XG: variants seen among roughly 807,000 people sequenced by gnomAD.
The protein encoded by XG is Xg glycoprotein (Xg blood group), also known as glycoprotein Xg.
Under a neutral mutation model 25.7 loss-of-function variants are expected in XG, and 24 were observed. That is an observed-to-expected ratio of 0.93 (90% CI 0.68 to 1.31). The LOEUF is 1.31. Among genes scored for constraint, XG ranks in the 40% most tolerant of loss-of-function variants. XG has a pLI of 0.00. For missense variants in XG, 181 were observed against 187.6 expected (o/e 0.96, Z 0.21); for synonymous variants, 77 against 69.2 (o/e 1.11, Z -0.56).
At chrX:2,768,645 G>A (rs759168713) in intron 1 of XG, among the ~76,000 whole-genome samples, 1 of 152,294 alleles carries the variant, frequency 6.6e-6, no homozygotes, top group African/African-American at 2.4e-5. Context: ...GCATGCACCT[G>A]TAATCCCAGT....
intron 1 of XG, among the ~76,000 whole-genome samples, chrX:2,762,042 A>G (rs991538536): frequency 1.3e-5 from 2 of 152,170 alleles, no homozygotes; most frequent in African/African-American, 4.8e-5. Flanking sequence ...CTGCTGAAGC[A>G]TAGTCTGTGT....
intron 1 of XG, among the ~76,000 whole-genome samples, chrX:2,766,429 G>T (rs756459084): frequency 6.6e-6 from 1 of 151,522 alleles, no homozygotes; most frequent in East Asian, 1.9e-4. Flanking sequence ...GTGAGCCACC[G>T]CACCCGGCCT....
At chrX:2,806,847 T>G (rs747402495) in intron 8 of XG, 102 bp downstream of exon 8, 5 of 694,234 alleles carry the variant, frequency 7.2e-6, no homozygotes, top group Non-Finnish European at 1.0e-5. Flanking sequence ...TTTCATCCAG[T>G]GCACAACCAA....
At position 2,765,041 on chromosome X, in the gene XG, CAAAAAAAAAAAAA is replaced by C. The variant is rs1219282861; in HGVS notation, c.62-5497_62-5485del. ...GGGCAACATAGTGAGATTCTTTATCCAAAAAAAAAAAAAAAAAAAAAAAAGGCTAGGCACGGCG... is the reference window on the plus strand; with the variant it reads ...GGGCAACATAGTGAGATTCTTTATCCAAAAAAAAAAAGGCTAGGCACGGCG... On this transcript the variant is annotated intron_variant, in intron 1 of 10. Coordinates refer to ENST00000644266, the MANE Select transcript of XG (RefSeq NM_001141919.2). Among the ~76,000 whole-genome samples, 44 of 36,628 alleles carry C rather than the reference CAAAAAAAAAAAAA, an allele frequency of 1.2e-3. 1 individual carries two copies. Among genetic ancestry groups the C allele is most frequent in the Non-Finnish European group, 1.8e-3 (38 of 21,122 alleles). 24.0% of individuals were successfully genotyped at this position (36,628 alleles called of 152,430 possible).
At chrX:2,766,713 C>A (rs766240366) in intron 1 of XG, among the ~76,000 whole-genome samples, 1 of 150,740 alleles carries the variant, frequency 6.6e-6, no homozygotes, top group East Asian at 2.0e-4. Flanking sequence ...TACAGGCGCC[C>A]GCCACCACAC....
At chrX:2,809,901 C>G (rs1001029901) in intron 9 of XG, among the ~76,000 whole-genome samples, 23 of 112,220 alleles carry the variant, frequency 2.0e-4, no homozygotes, top group East Asian at 8.5e-4. Context: ...CGTGCCTGGG[C>G]TTAGAGCCAC....
At chrX:2,795,238 A>G (rs1423599374) in intron 6 of XG, among the ~76,000 whole-genome samples, 1 of 49,606 alleles carries the variant, frequency 2.0e-5, no homozygotes, top group Non-Finnish European at 4.0e-5. Flanking sequence ...ATATATATTT[A>G]TGTATATGTA....
chrX:2,791,795 A>ACAG (rs2086840115), intron 5 of XG, among the ~76,000 whole-genome samples: 1 of 110,009 alleles, frequency 9.1e-6, no homozygotes, highest in African/African-American at 3.3e-5. Context: ...TTGAGTCCCA[A>ACAG]CAGGCAAACA....
intron 8 of XG, among the ~76,000 whole-genome samples, chrX:2,807,916 T>C (rs1043914486): frequency 2.7e-5 from 3 of 111,947 alleles, no homozygotes; most frequent in African/African-American, 9.7e-5. Flanking sequence ...TGCGCATGTA[T>C]GTAGACTCTC....
intron 1 of XG, among the ~76,000 whole-genome samples, chrX:2,766,150 C>CT (rs201273239): frequency 0.15 from 22,224 of 151,444 alleles, 1,786 homozygotes; most frequent in Middle Eastern, 0.22. Context: ...CTCTCTCTCT[C>CT]TTTTTTTTTG....
chrX:2,797,535 G>A (rs754109442), intron 7 of XG, among the ~76,000 whole-genome samples, 175 bp downstream of exon 7: 32 of 108,358 alleles, frequency 3.0e-4, no homozygotes, highest in African/African-American at 1.1e-3. Context: ...TTCTGCTTCT[G>A]TTCCCCAGGA....
intron 1 of XG, among the ~76,000 whole-genome samples, chrX:2,758,649 G>A (rs1301782235): frequency 2.6e-5 from 4 of 152,214 alleles, no homozygotes; most frequent in Non-Finnish European, 5.9e-5. Flanking sequence ...GATATCTTGA[G>A]GCTTTGCGTT....
chrX:2,775,531 C>T (rs2050959770), intron 3 of XG, among the ~76,000 whole-genome samples: 1 of 152,146 alleles, frequency 6.6e-6, no homozygotes, highest in Non-Finnish European at 1.5e-5. Flanking sequence ...GGAACGAAAG[C>T]ATTCTGGAAG....
intron 5 of XG, among the ~76,000 whole-genome samples, chrX:2,792,569 G>GTGTGTA (rs1321566198): frequency 9.3e-6 from 1 of 108,066 alleles, no homozygotes; most frequent in Non-Finnish European, 1.9e-5. Context: ...GTGTGTGTGT[G>GTGTGTA]TATGTGTGTG....
chrX:2,808,982 A>G (rs935275350), intron 9 of XG, among the ~76,000 whole-genome samples: 1 of 111,823 alleles, frequency 8.9e-6, no homozygotes, highest in African/African-American at 3.3e-5. Context: ...CAAATAAACA[A>G]GTAATTGCAG....
In XG at chrX:2,815,076, T is replaced by G. The variant is rs1402049737; in HGVS notation, c.*696T>G. The G allele has an allele frequency of 9.0e-6, 1 of 111,711 alleles. No homozygotes were observed. Among genetic ancestry groups the G allele is most frequent in the Non-Finnish European group, 1.9e-5 (1 of 53,170 alleles). The allele number at this position is 111,711 out of a possible 1,213,427, so 9.2% of individuals were successfully genotyped here. On this transcript the variant is annotated 3_prime_UTR_variant, in exon 11 of 11. Transcript: ENST00000644266. The stretch of plus-strand genomic sequence containing the variant: ...TGCTTTTTCCTAGGAAATCATATGG[T>G]TGTGATATGTTTTGGCGCATAGGAG...
At chrX:2,801,771 T>C (rs569503903) in intron 7 of XG, among the ~76,000 whole-genome samples, 5,961 of 109,985 alleles carry the variant, frequency 0.054, 456 homozygotes, top group African/African-American at 0.19. Flanking sequence ...TGCAGTGGCG[T>C]CATCTCGGCT....
chrX:2,779,330 TAA>T (rs34578775), intron 3 of XG, among the ~76,000 whole-genome samples: 36,718 of 105,306 alleles, frequency 0.35, 2,350 homozygotes, highest in African/African-American at 0.43. Flanking sequence ...AGTGAGAGTA[TAA>T]AAAAAAAAAA....
Position 2,796,488 on chromosome X carries a change from GTA to G in XG, c.323-811_323-810del, listed in dbSNP as rs201833178. ...GGTATATGTGTGTGTGTGTGTGTGTGTATATATATATACACCTTTATATATGT... is the reference window on the plus strand; with the variant it reads ...GGTATATGTGTGTGTGTGTGTGTGTGTATATATATACACCTTTATATATGT... On this transcript the variant is annotated intron_variant, in intron 6 of 10. Transcript: ENST00000644266. Among the ~76,000 whole-genome samples, 18 of 102,489 alleles carry G rather than the reference GTA, an allele frequency of 1.8e-4. No individual in the cohort carries two copies. In the South Asian group the frequency reaches 2.3e-3, roughly 13 times the overall value. The allele number at this position is 102,489 out of a possible 115,157, so 89.0% of individuals were successfully genotyped here.
Sources: gnomAD v4.1 joint callset for allele counts (sites outside exome capture counted in the v4.1 genomes callset) on GRCh38, gnomAD v4.1.1 for gene constraint, MANE v1.5 for transcripts, NCBI Gene and HGNC (gene_info 2026-07-23, HGNC 2026-07-21) for gene names.